Variants in MRAP observed in about 807,000 individuals in gnomAD.
The protein encoded by MRAP is melanocortin-2 receptor accessory protein.
In MRAP, 8 loss-of-function variants were observed where a neutral mutation model predicts 8.7. The ratio of observed to expected loss-of-function variants is 0.92; its 90% CI spans 0.54 to 1.66. MRAP has a LOEUF of 1.66. Among genes scored for constraint, MRAP ranks in the 40% most tolerant of loss-of-function variants. The pLI is 0.00. For synonymous variants in MRAP, 95 were observed against 95.5 expected (o/e 1.00, Z 0.03); for missense variants, 237 against 217.1 (o/e 1.09, Z -0.58).
At chr21:32,297,442 A>G (rs911133225), upstream of MRAP, among the ~76,000 whole-genome samples, 3 of 152,204 alleles carry the variant, frequency 2.0e-5, no homozygotes, top group African/African-American at 7.2e-5. Flanking sequence ...AGAACTTCCA[A>G]GTTGGTGAAC....
Position 32,300,763 on chromosome 21 carries a change from A to AG in MRAP, c.106+1690dup, listed in dbSNP as rs201121555. ...GTCAGTGTGTCGTGCGTCCTATGTC[A>AG]GGGGCGTCATGCCTCCTATGTCGGA... is the stretch of plus-strand genomic sequence containing the variant. On this transcript the variant is annotated intron_variant, in intron 1 of 2. Transcript: ENST00000303645. Among the ~76,000 whole-genome samples the AG allele has an allele frequency of 5.9e-3, 834 of 140,784 alleles. 37 individuals are homozygous for AG. The highest frequency in any genetic ancestry group is 0.054 in the Admixed American group (754 of 14,044). The allele number at this position is 140,784 out of a possible 152,430, so 92.4% of individuals were successfully genotyped here.
At chr21:32,308,829 G>A (rs2032480277) in intron 2 of MRAP, 2 of 152,552 alleles carry the variant, frequency 1.3e-5, no homozygotes, top group Admixed American at 1.3e-4. Context: ...CTAGGGCTGG[G>A]TGCCATTATA....
chr21:32,300,722 G>C (rs1253517645), intron 1 of MRAP, among the ~76,000 whole-genome samples: 1 of 25,240 alleles, frequency 4.0e-5, no homozygotes, highest in Non-Finnish European at 1.1e-4. Flanking sequence ...CTATGTCGGG[G>C]CGTCATTCGT....
At chr21:32,300,986 TATC>T (rs2032281634) in intron 1 of MRAP, among the ~76,000 whole-genome samples, 1 of 141,688 alleles carries the variant, frequency 7.1e-6, no homozygotes, top group South Asian at 2.1e-4. Flanking sequence ...ATATTTCATA[TATC>T]ATGATATATG....
At chr21:32,309,776 CTA>C (rs2032512094) in intron 2 of MRAP, among the ~76,000 whole-genome samples, 1 of 149,888 alleles carries the variant, frequency 6.7e-6, no homozygotes, top group Admixed American at 6.7e-5. Flanking sequence ...AACCCTGTCT[CTA>C]TTAAAAATAC....
chr21:32,299,114 TGGGGGCCGGGGCCCAAA>T, intron 1 of MRAP, 37 bp downstream of exon 1: 1 of 1,563,076 alleles, frequency 6.4e-7, no homozygotes, highest in East Asian at 2.2e-5. Flanking sequence ...AGACAGAGGC[TGGGGGCCGGGGCCCAAA>T]TGACTGGGCA....
chr21:32,300,841 A>G (rs1202188998), intron 1 of MRAP, among the ~76,000 whole-genome samples: 9 of 142,666 alleles, frequency 6.3e-5, no homozygotes, highest in Admixed American at 1.4e-4. Flanking sequence ...CGGATATGTC[A>G]TGCGCCCTAT....
chr21:32,297,391 C>A (rs1353743546), upstream of MRAP, among the ~76,000 whole-genome samples: 1 of 152,164 alleles, frequency 6.6e-6, no homozygotes, highest in Non-Finnish European at 1.5e-5. Context: ...TGGCATAGCA[C>A]ATGATAAAAC....
At chr21:32,309,449 ATT>A (rs375525509) in intron 2 of MRAP, among the ~76,000 whole-genome samples, 8 of 143,850 alleles carry the variant, frequency 5.6e-5, no homozygotes, top group Admixed American at 1.4e-4. Flanking sequence ...GAAGAAATTC[ATT>A]TTTTTTTTTT....
chr21:32,304,395 T>C (rs1235537084), intron 1 of MRAP, among the ~76,000 whole-genome samples: 1 of 152,030 alleles, frequency 6.6e-6, no homozygotes, highest in Non-Finnish European at 1.5e-5. Flanking sequence ...GGCAGGTGGA[T>C]CATGAGGTCA....
At chr21:32,292,326 T>C (rs1003939852) in intron 1 of MRAP, among the ~76,000 whole-genome samples, 3 of 152,250 alleles carry the variant, frequency 2.0e-5, no homozygotes, top group Admixed American at 2.0e-4. Flanking sequence ...TGGTTACATG[T>C]GAATTAATTA....
At chr21:32,303,943 A>T (rs940955499) in intron 1 of MRAP, among the ~76,000 whole-genome samples, 1 of 152,318 alleles carries the variant, frequency 6.6e-6, no homozygotes, top group East Asian at 1.9e-4. Flanking sequence ...TTATATGAAG[A>T]CACTGCGTTC....
intron 1 of MRAP, among the ~76,000 whole-genome samples, chr21:32,292,145 G>GT (rs200763010): frequency 1.4e-5 from 2 of 139,296 alleles, no homozygotes; most frequent in Non-Finnish European, 3.2e-5. Context: ...ATATGGTTTT[G>GT]TTTAAAAAAA....
chr21:32,308,798 C>G (rs556588614), intron 2 of MRAP: 2 of 152,928 alleles, frequency 1.3e-5, no homozygotes, highest in African/African-American at 4.8e-5. Flanking sequence ...GGGGGCTGCA[C>G]TGATTGGTCC....
At chr21:32,298,409 T>C (rs1317143335), upstream of MRAP, among the ~76,000 whole-genome samples, 2 of 152,112 alleles carry the variant, frequency 1.3e-5, no homozygotes, top group Non-Finnish European at 2.9e-5. Flanking sequence ...TATGAGTACA[T>C]GACAGAGGTT....
chr21:32,314,277 C>G (rs937302017), downstream of MRAP: 14 of 382,272 alleles, frequency 3.7e-5, no homozygotes, highest in Non-Finnish European at 6.5e-5. Flanking sequence ...CTCCACCTCC[C>G]AGGTTCAAGC....
chr21:32,299,315 C>T (rs577212305), intron 1 of MRAP, among the ~76,000 whole-genome samples: 1 of 152,268 alleles, frequency 6.6e-6, no homozygotes, highest in East Asian at 1.9e-4. Flanking sequence ...ACTTTGGAAG[C>T]AGAATTTTTA....
At chr21:32,309,709 G>A (rs960505823) in intron 2 of MRAP, among the ~76,000 whole-genome samples, 1 of 150,732 alleles carries the variant, frequency 6.6e-6, no homozygotes, top group Admixed American at 6.6e-5. Context: ...TTGAGAGGCC[G>A]AGGTGGGTGG....
intron 2 of MRAP, chr21:32,308,680 T>TAGCC (rs1168195555): frequency 2.0e-5 from 3 of 152,732 alleles, no homozygotes; most frequent in Non-Finnish European, 2.9e-5. Context: ...GTCCAGTGGC[T>TAGCC]GGCCCATGCC....
Sources: gnomAD v4.1 joint callset for allele counts (sites outside exome capture counted in the v4.1 genomes callset) on GRCh38, gnomAD v4.1.1 for gene constraint, MANE v1.5 for transcripts, NCBI Gene and HGNC (gene_info 2026-07-23, HGNC 2026-07-21) for gene names.